The following ACYP2 variants were observed in gnomAD, a reference collection of about 807,000 sequenced individuals.
ACYP2 encodes acylphosphatase-2.
In ACYP2, 12 loss-of-function variants were observed where a neutral mutation model predicts 11.2. The ratio of observed to expected loss-of-function variants is 1.08; its 90% CI spans 0.69 to 1.74. The LOEUF is 1.74. Ranked by LOEUF, ACYP2 falls within the 40% of genes most tolerant of loss-of-function variation. The probability of loss-of-function intolerance (pLI) is 0.00; values close to 1 mark genes in which losing one functional copy is unlikely to be tolerated. For synonymous variants in ACYP2, 43 were observed against 32.2 expected (o/e 1.33, Z -1.13); for missense variants, 134 against 101.9 (o/e 1.31, Z -1.35).
chr2:54,204,841 A>G (rs1021188719), intron 6 of ACYP2, among the ~76,000 whole-genome samples: 5 of 152,028 alleles, frequency 3.3e-5, no homozygotes, highest in African/African-American at 1.2e-4. Flanking sequence ...TTCACCACTG[A>G]TTGACATTTC....
chr2:54,209,144 G>T (rs1181426605), intron 6 of ACYP2, among the ~76,000 whole-genome samples: 1 of 151,768 alleles, frequency 6.6e-6, no homozygotes, highest in East Asian at 1.9e-4. Flanking sequence ...ACATTGGGGG[G>T]AAGTAGAGAA....
chr2:54,046,739 G>C (rs569996310), intron 2 of ACYP2, among the ~76,000 whole-genome samples: 1 of 152,136 alleles, frequency 6.6e-6, no homozygotes, highest in South Asian at 2.1e-4. Flanking sequence ...GCTTGCACCC[G>C]TTGGTTCAAT....
intron 2 of ACYP2, among the ~76,000 whole-genome samples, chr2:54,035,635 C>G (rs1166779659): frequency 1.3e-5 from 2 of 152,152 alleles, no homozygotes; most frequent in African/African-American, 2.4e-5. Flanking sequence ...ACTCAACCAT[C>G]TACATGATCA....
intron 6 of ACYP2, among the ~76,000 whole-genome samples, chr2:54,184,330 G>A (rs1053876277): frequency 4.6e-5 from 7 of 152,146 alleles, no homozygotes; most frequent in Admixed American, 4.6e-4. Flanking sequence ...CACATTCGGA[G>A]TGACAGAGGC....
At chr2:54,168,541 A>G (rs1247291560) in intron 6 of ACYP2, among the ~76,000 whole-genome samples, 1 of 152,210 alleles carries the variant, frequency 6.6e-6, no homozygotes, top group Non-Finnish European at 1.5e-5. Flanking sequence ...AAACCATAAA[A>G]AGTAATTGGA....
intron 2 of ACYP2, among the ~76,000 whole-genome samples, chr2:54,032,650 C>T (rs1674648280): frequency 6.6e-6 from 1 of 152,016 alleles, no homozygotes; most frequent in African/African-American, 2.4e-5. Flanking sequence ...TAGTTTTTTC[C>T]AATTCTGTGA....
chr2:54,298,337 G>A lies in ACYP2; in HGVS notation c.405-6351G>A, dbSNP rs578038117. ...GGCAATCACATAATTCCAGATTTAT[G>A]AAAGATTTAAAGGATAAAGCCATAC... is the stretch of plus-strand genomic sequence containing the variant. On this transcript the variant is annotated intron_variant, in intron 6 of 6. Coordinates refer to ENST00000607452, the MANE Select transcript of ACYP2 (RefSeq NM_001320586.2). 3.1e-5 allele frequency among the ~76,000 whole-genome samples: 3 copies of A among 96,678 alleles called. No homozygotes were observed. In the East Asian group the frequency reaches 7.1e-4, roughly 23 times the overall value. The allele number at this position is 96,678 out of a possible 152,430, so 63.4% of individuals were successfully genotyped here.
intron 6 of ACYP2, chr2:54,256,052 C>T (rs866452046): frequency 1.2e-6 from 2 of 1,614,074 alleles, no homozygotes; most frequent in Admixed American, 1.7e-5. Flanking sequence ...GCCATTACCT[C>T]TGTCGCCTTG....
intron 2 of ACYP2, among the ~76,000 whole-genome samples, chr2:53,989,813 T>C (rs749488428): frequency 3.0e-4 from 45 of 152,130 alleles, no homozygotes; most frequent in Non-Finnish European, 4.4e-4. Context: ...CTGCCTACAG[T>C]GGCCATTATG....
chr2:54,165,525 T>A (rs556236433), intron 6 of ACYP2, among the ~76,000 whole-genome samples: 249 of 135,386 alleles, frequency 1.8e-3, no homozygotes, highest in African/African-American at 7.4e-3. Flanking sequence ...ACTCTCTCTC[T>A]CTCTCTCTCT....
At chr2:54,276,925 G>A (rs1481255185) in intron 6 of ACYP2, among the ~76,000 whole-genome samples, 1 of 151,942 alleles carries the variant, frequency 6.6e-6, no homozygotes, top group African/African-American at 2.4e-5. Flanking sequence ...TTTTAAAAAA[G>A]CATAATACCA....
intron 6 of ACYP2, among the ~76,000 whole-genome samples, chr2:54,199,326 CCT>C (rs1320367348): frequency 6.6e-6 from 1 of 152,218 alleles, no homozygotes; most frequent in Non-Finnish European, 1.5e-5. Flanking sequence ...ACACATGGCA[CCT>C]GTCTCCTCTG....
intron 6 of ACYP2, among the ~76,000 whole-genome samples, chr2:54,234,311 T>C (rs1686379146): frequency 6.6e-6 from 1 of 152,260 alleles, no homozygotes; most frequent in Non-Finnish European, 1.5e-5. Flanking sequence ...CAAAAACTGT[T>C]GCCATGACCT....
intron 6 of ACYP2, among the ~76,000 whole-genome samples, chr2:54,210,414 A>T (rs1277380560): frequency 6.6e-6 from 1 of 151,818 alleles, no homozygotes; most frequent in East Asian, 1.9e-4. Context: ...CTATACAAAT[A>T]AAACTAAAAC....
intron 4 of ACYP2, among the ~76,000 whole-genome samples, chr2:54,111,235 C>G (rs1454081645): frequency 1.3e-5 from 2 of 152,112 alleles, no homozygotes; most frequent in African/African-American, 2.4e-5. Flanking sequence ...CTCTGAGTCC[C>G]TACAAAAAGA....
intron 6 of ACYP2, among the ~76,000 whole-genome samples, chr2:54,144,275 T>A (rs890658882): frequency 1.3e-5 from 2 of 152,176 alleles, no homozygotes; most frequent in African/African-American, 4.8e-5. Context: ...ACCCAGCAAG[T>A]AACTGATATA....
At chr2:54,285,056 C>T (rs980905153) in intron 6 of ACYP2, among the ~76,000 whole-genome samples, 8 of 152,154 alleles carry the variant, frequency 5.3e-5, no homozygotes, top group Admixed American at 4.6e-4. Context: ...GCAGATTCAG[C>T]GTCTGGTGAC....
At chr2:54,120,723 G>T (rs28481646) in intron 4 of ACYP2, among the ~76,000 whole-genome samples, 7,817 of 152,242 alleles carry the variant, frequency 0.051, 625 homozygotes, top group African/African-American at 0.17. Context: ...TCCTGCGCTT[G>T]CCTTGGCTCT....
intron 2 of ACYP2, among the ~76,000 whole-genome samples, chr2:53,991,106 G>C (rs77618658): frequency 4.1e-4 from 63 of 152,208 alleles, no homozygotes; most frequent in Admixed American, 1.2e-3. Context: ...GAGAATTTGT[G>C]TTTCTAACAA....
Sources: allele counts gnomAD v4.1 joint callset (sites outside exome capture counted in the v4.1 genomes callset), GRCh38; gene constraint gnomAD v4.1.1; transcripts MANE v1.5; gene names NCBI Gene and HGNC (gene_info 2026-07-23, HGNC 2026-07-21).